The following ARMC10 variants were observed in gnomAD, a reference collection of about 807,000 sequenced individuals.
The protein encoded by ARMC10 is armadillo repeat containing 10.
ARMC10 carries 23 observed loss-of-function variants against 30.2 expected under a neutral mutation model. The observed-to-expected ratio is 0.76, with a 90% CI of 0.55 to 1.08. The LOEUF (loss-of-function observed/expected upper bound fraction) is 1.08, where lower values mean the gene tolerates loss of function less well. ARMC10 is among the 50% of genes least tolerant of loss of function. ARMC10 has a pLI of 0.00. For synonymous variants in ARMC10, 111 were observed against 164.4 expected (o/e 0.68, Z 2.48); for missense variants, 303 against 413.7 (o/e 0.73, Z 2.32).
At chr7:103,083,579 T>G (rs1419325922) in intron 2 of ARMC10, 103 bp from the exon 3 acceptor site, 5 of 1,002,200 alleles carry the variant, frequency 5.0e-6, no homozygotes, top group Non-Finnish European at 7.4e-6. Context: ...TGAGCCATGA[T>G]TGTGCCACCG....
intron 4 of ARMC10, chr7:103,087,904 A>G (rs1585758833): frequency 2.6e-6 from 1 of 387,698 alleles, no homozygotes; most frequent in African/African-American, 2.2e-5. Flanking sequence ...ACCATTCTTA[A>G]TGTATCAAAT....
chr7:103,078,384 T>C (rs1563315846), intron 2 of ARMC10, among the ~76,000 whole-genome samples: 4 of 152,228 alleles, frequency 2.6e-5, no homozygotes, highest in South Asian at 2.1e-4. Context: ...CTTCTCGTGA[T>C]AGTTCTCAGG....
At chr7:103,084,914 C>T (rs1800699807) in intron 3 of ARMC10, among the ~76,000 whole-genome samples, 1 of 152,116 alleles carries the variant, frequency 6.6e-6, no homozygotes, top group Admixed American at 6.5e-5. Flanking sequence ...GACCATGGCC[C>T]ATGTTTATTG....
intron 2 of ARMC10, among the ~76,000 whole-genome samples, chr7:103,081,484 G>C (rs529098023): frequency 6.6e-6 from 1 of 152,254 alleles, no homozygotes; most frequent in South Asian, 2.1e-4. Context: ...CAATTTTCCC[G>C]CCTCGGCCTC....
intron 4 of ARMC10, among the ~76,000 whole-genome samples, chr7:103,087,218 G>A (rs1800938239): frequency 6.6e-6 from 1 of 152,176 alleles, no homozygotes; most frequent in Admixed American, 6.5e-5. Flanking sequence ...TAAGTGTACT[G>A]TATGAGTGTA....
rs36128607 is a variant in ARMC10, at chr7:103,099,575, C to CGTGTGT, written c.*1035_*1040dup. 3.3e-4 allele frequency: 10 copies of CGTGTGT among 30,006 alleles called. 1 individual carries two copies. In the East Asian group the frequency reaches 6.5e-3, roughly 19 times the overall value. The allele number at this position is 30,006 out of a possible 1,614,324, so 1.9% of individuals were successfully genotyped here. On this transcript the variant is annotated 3_prime_UTR_variant, in exon 7 of 7. Coordinates refer to ENST00000323716, the MANE Select transcript of ARMC10 (RefSeq NM_031905.5). ...ACAAAAATTATAGAATATGGGATCC[C>CGTGTGT]GTGTGTGTGTGTGTGTGTTTGAATG...
chr7:103,098,320 C>T lies in ARMC10; in HGVS notation c.799C>T (p.Leu267Phe), dbSNP rs746495139. Reference protein sequence around the residue: ...RAQVDSSFLSLYDSHVAKEIL... With the variant: ...RAQVDSSFLSFYDSHVAKEIL... Reference sequence around the variant, plus strand: ...TCAGGTGGATTCATCATTCCTTTCCCTTTATGACAGCCACGTAGCAAAGGA... The same window carrying T: ...TCAGGTGGATTCATCATTCCTTTCCTTTTATGACAGCCACGTAGCAAAGGA... The change falls in exon 7 of 7, where the codon CTT (leucine) becomes TTT (phenylalanine). Residue 267 changes from leucine to phenylalanine, a missense_variant. Around this residue, in one of 4 missense-constraint regions of ARMC10, gnomAD observed 26 missense variants for 94.7 expected, o/e 0.27. Coordinates refer to ENST00000323716, the MANE Select transcript of ARMC10 (RefSeq NM_031905.5). The T allele has an allele frequency of 1.9e-6, 3 of 1,601,762 alleles. No individual in the cohort carries two copies. Among genetic ancestry groups the T allele is most frequent in the Non-Finnish European group, 2.6e-6 (3 of 1,174,916 alleles).
In ARMC10 at chr7:103,092,476, G is replaced by C. The variant is rs201530946; in HGVS notation, c.529-1G>C. On this transcript the variant is annotated splice_acceptor_variant, in intron 4 of 6. Coordinates refer to ENST00000323716, the MANE Select transcript of ARMC10 (RefSeq NM_031905.5). LOFTEE classifies it high-confidence loss of function. ...TGCTCATTTTCCTCCCCTGCCTTCA[G>C]ATATACATCAGTCAAGTATGTGAGG... The C allele has an allele frequency of 4.5e-6, 7 of 1,570,216 alleles. No individual in the cohort carries two copies. In the South Asian group the frequency reaches 5.7e-5, roughly 13 times the overall value.
At position 103,087,467 on chromosome 7, in the gene ARMC10, A is replaced by T. The variant is rs530091457; in HGVS notation, c.528+703A>T. Among the ~76,000 whole-genome samples the T allele has an allele frequency of 1.8e-4, 27 of 152,356 alleles. No homozygotes were observed. The South Asian group carries it at 5.4e-3, about 30-fold the overall frequency. ...GTAAAAAAAATAGTTAACTTGGTAA[A>T]TGCCAACAGTTAAAACACTTCAGCC... On this transcript the variant is annotated intron_variant, in intron 4 of 6. Coordinates refer to ENST00000323716, the MANE Select transcript of ARMC10 (RefSeq NM_031905.5).
chr7:103,086,143 C>A (rs1191580258), intron 3 of ARMC10, among the ~76,000 whole-genome samples: 5 of 152,004 alleles, frequency 3.3e-5, no homozygotes, highest in Non-Finnish European at 5.9e-5. Flanking sequence ...TGGGAAACCA[C>A]CCCCCCTTAT....
At chr7:103,083,599 C>T in intron 2 of ARMC10, 83 bp from the exon 3 acceptor site, 1 of 1,263,338 alleles carries the variant, frequency 7.9e-7, no homozygotes, top group Admixed American at 2.0e-5. Context: ...GCACACCAGC[C>T]TGGGTGACAG....
chr7:103,096,259 G>C (rs552757304), intron 5 of ARMC10: 1 of 152,176 alleles, frequency 6.6e-6, no homozygotes, highest in Non-Finnish European at 1.5e-5. Context: ...TAGTTACTTT[G>C]GGAGGCCAAA....
At chr7:103,082,976 T>G in intron 2 of ARMC10, 1 of 431,750 alleles carries the variant, frequency 2.3e-6, no homozygotes, top group Non-Finnish European at 4.7e-6. Context: ...GCAACAAGAT[T>G]GGTTTACTCT....
At chr7:103,084,224 C>T (rs1800634803) in intron 3 of ARMC10, among the ~76,000 whole-genome samples, 1 of 152,136 alleles carries the variant, frequency 6.6e-6, no homozygotes, top group African/African-American at 2.4e-5. Flanking sequence ...GTCCCTGGAC[C>T]ACACTCTGAT....
chr7:103,078,626 C>T (rs1023766424), intron 2 of ARMC10, among the ~76,000 whole-genome samples: 25 of 152,172 alleles, frequency 1.6e-4, no homozygotes, highest in African/African-American at 4.1e-4. Context: ...GTCATCATCA[C>T]GCTTAGATTT....
At chr7:103,076,995 C>T (rs1585713642) in intron 2 of ARMC10, among the ~76,000 whole-genome samples, 1 of 152,154 alleles carries the variant, frequency 6.6e-6, no homozygotes. Flanking sequence ...CCTCCACTTC[C>T]CTGGGCTCCT....
At chr7:103,075,669 C>A in intron 1 of ARMC10, 108 bp from the exon 2 acceptor site, 1 of 920,228 alleles carries the variant, frequency 1.1e-6, no homozygotes, top group Non-Finnish European at 1.6e-6. Context: ...CTGTTGATGG[C>A]CTCTCATTTT....
chr7:103,084,180 T>C (rs994355447), intron 3 of ARMC10: 1 of 492,140 alleles, frequency 2.0e-6, no homozygotes, highest in African/African-American at 2.0e-5. Flanking sequence ...TTAAATTGTA[T>C]ATCGGTCTTA....
At chr7:103,087,728 A>G in intron 4 of ARMC10, 2 of 970,500 alleles carry the variant, frequency 2.1e-6, no homozygotes, top group South Asian at 4.8e-5. Flanking sequence ...AAGATTTGTA[A>G]GAGGTAATCT....
Sources: gnomAD v4.1 joint callset for allele counts (sites outside exome capture counted in the v4.1 genomes callset) on GRCh38, gnomAD v4.1.1 for gene constraint, gnomAD v4.1.1 regional missense constraint, MANE v1.5 for transcripts, NCBI Gene and HGNC (gene_info 2026-07-23, HGNC 2026-07-21) for gene names.